ARPP19: variants seen among roughly 807,000 people sequenced by gnomAD.
ARPP19 encodes cAMP-regulated phosphoprotein 19.
In ARPP19, 8 loss-of-function variants were observed where a neutral mutation model predicts 12.0. The observed-to-expected ratio is 0.67, with a 90% CI of 0.39 to 1.21. The LOEUF (loss-of-function observed/expected upper bound fraction) is 1.21. Ranked by LOEUF, ARPP19 falls within the 50% of genes most tolerant of loss-of-function variation. The pLI, the probability that ARPP19 is intolerant of heterozygous loss-of-function variation, is 0.01. For missense variants in ARPP19, 102 were observed against 136.3 expected (o/e 0.75, Z 1.25); for synonymous variants, 47 against 50.4 (o/e 0.93, Z 0.29).
chr15:52,561,487 C>T (rs996857766), intron 1 of ARPP19, among the ~76,000 whole-genome samples: 1 of 151,868 alleles, frequency 6.6e-6, no homozygotes, highest in African/African-American at 2.4e-5. Flanking sequence ...TATAACAGTA[C>T]CATATTTTTA....
rs60316609 is a variant in ARPP19 at position 52,549,862 on chromosome 15, A to AAT, written c.*2070_*2071dup. ...TGAGTATATACTTGCTCTCATTACA[A>AAT]ATATATATATATAACTGATCTTTAC... On this transcript the variant is annotated 3_prime_UTR_variant, in exon 3 of 3. Transcript: ENST00000249822. The AAT allele has an allele frequency of 0.13, 19,443 of 152,250 alleles. 1,351 individuals carry two copies. The highest frequency in any genetic ancestry group is 0.17 in the Middle Eastern group (50 of 292). 9.4% of individuals were successfully genotyped at this position (152,250 alleles called of 1,614,324 possible). A position where few individuals can be genotyped will look rare whatever the true frequency, so the allele number is the denominator to read the frequency against.
chr15:52,556,853 CTGTTA>C (rs2077986180), intron 2 of ARPP19: 2 of 343,864 alleles, frequency 5.8e-6, no homozygotes, highest in African/African-American at 2.1e-5. Flanking sequence ...TATATGGGTT[CTGTTA>C]TATCTGCACT....
intron 1 of ARPP19, among the ~76,000 whole-genome samples, chr15:52,564,846 T>C (rs771372861): frequency 5.9e-5 from 9 of 152,206 alleles, no homozygotes; most frequent in Non-Finnish European, 1.3e-4. Flanking sequence ...TCTATTCTTC[T>C]CTGTGGTACT....
In ARPP19 at chr15:52,557,090, G is replaced by A; in HGVS notation, c.168+10C>T. On this transcript the variant is annotated intron_variant, in intron 2 of 2. Transcript: ENST00000249822. The stretch of plus-strand genomic sequence containing the variant: ...GCTTAAGTATTTGGAAATTACCCAT[G>A]AGAACTTACCCCTTTCTGCAACCGT... 2 of 1,611,102 alleles carry A rather than the reference G, an allele frequency of 1.2e-6. No individual in the cohort carries two copies. Among genetic ancestry groups the A allele is most frequent in the Non-Finnish European group, 1.7e-6 (2 of 1,179,634 alleles).
At position 52,547,327 on chromosome 15, in the gene ARPP19, T is replaced by C. The variant is rs369730896; in HGVS notation, c.*4607A>G. The C allele has an allele frequency of 7.3e-5, 11 of 149,944 alleles. No homozygotes were observed. The highest frequency in any genetic ancestry group is 1.7e-4 in the African/African-American group (7 of 41,000). The allele number at this position is 149,944 out of a possible 1,614,324, so 9.3% of individuals were successfully genotyped here. A position where few individuals can be genotyped will look rare whatever the true frequency, so the allele number is the denominator to read the frequency against. ...AATTCAGCATTAACTGCCAACTCTATAGACATGTTTTAACAAAAAGCAAAA... is the reference window on the plus strand; with the variant it reads ...AATTCAGCATTAACTGCCAACTCTACAGACATGTTTTAACAAAAAGCAAAA... On this transcript the variant is annotated 3_prime_UTR_variant, in exon 3 of 3. Coordinates refer to ENST00000249822, the MANE Select transcript of ARPP19 (RefSeq NM_006628.6).
rs903943028 is a variant in ARPP19 at position 52,551,751 on chromosome 15, T to C, written c.*183A>G. ...TGCTCTAACATGTCCTCTTCACCAG[T>C]GCACTGTTAAACTAATCAAAAACTC... On this transcript the variant is annotated 3_prime_UTR_variant, in exon 3 of 3. Transcript: ENST00000249822. 7.0e-6 allele frequency: 4 copies of C among 574,588 alleles called. No individual in the cohort carries two copies. The highest frequency in any genetic ancestry group is 3.8e-5 in the African/African-American group (2 of 53,322). The allele number at this position is 574,588 out of a possible 1,614,324, so 35.6% of individuals were successfully genotyped here.
chr15:52,548,484 C>CAA lies in ARPP19; in HGVS notation c.*3448_*3449dup, dbSNP rs34847422. The stretch of plus-strand genomic sequence containing the variant: ...CCTGGGCAAGAGTGAGACTCCATCT[C>CAA]AAAAAAAAAAAAGAATAAAATAAAA... On this transcript the variant is annotated 3_prime_UTR_variant, in exon 3 of 3. Transcript: ENST00000249822. 16 of 141,126 alleles carry CAA rather than the reference C, an allele frequency of 1.1e-4. No individual in the cohort carries two copies. Among genetic ancestry groups the CAA allele is most frequent in the East Asian group, 1.0e-3 (5 of 4,948 alleles). 8.7% of individuals were successfully genotyped at this position (141,126 alleles called of 1,614,324 possible).
chr15:52,555,677 A>T (rs1451255038), intron 2 of ARPP19, among the ~76,000 whole-genome samples: 1 of 152,058 alleles, frequency 6.6e-6, no homozygotes, highest in African/African-American at 2.4e-5. Flanking sequence ...ACATTTTTAT[A>T]AACCTTAATC....
intron 2 of ARPP19, chr15:52,556,884 A>T: frequency 2.3e-6 from 1 of 443,620 alleles, no homozygotes; most frequent in Non-Finnish European, 4.0e-6. Context: ...TACATGCTTT[A>T]AATAGTTTAT....
intron 2 of ARPP19, among the ~76,000 whole-genome samples, chr15:52,556,104 T>A (rs1291624898): frequency 6.6e-6 from 1 of 152,110 alleles, no homozygotes; most frequent in African/African-American, 2.4e-5. Context: ...GCTGTGAATA[T>A]TATTCTTTCA....
intron 1 of ARPP19, among the ~76,000 whole-genome samples, chr15:52,562,407 C>A (rs1452681964): frequency 6.6e-6 from 1 of 151,878 alleles, no homozygotes; most frequent in Non-Finnish European, 1.5e-5. Flanking sequence ...AAACATACTT[C>A]TAAATAATTC....
At chr15:52,556,400 C>G (rs2077982173) in intron 2 of ARPP19, among the ~76,000 whole-genome samples, 2 of 152,118 alleles carry the variant, frequency 1.3e-5, no homozygotes, top group African/African-American at 2.4e-5. Context: ...AGGGAACAAA[C>G]AGGCCAGCAT....
chr15:52,556,478 A>G (rs987368396), intron 2 of ARPP19, among the ~76,000 whole-genome samples: 1 of 152,180 alleles, frequency 6.6e-6, no homozygotes, highest in African/African-American at 2.4e-5. Context: ...TTTGAAAATA[A>G]TATCTTCAGT....
intron 1 of ARPP19, chr15:52,568,522 C>T (rs927369678): frequency 2.3e-5 from 7 of 305,226 alleles, no homozygotes; most frequent in Non-Finnish European, 4.2e-5. Flanking sequence ...AACTTCCTAA[C>T]CAAATTGAGG....
At chr15:52,555,115 T>A (rs975825831) in intron 2 of ARPP19, among the ~76,000 whole-genome samples, 1 of 152,094 alleles carries the variant, frequency 6.6e-6, no homozygotes. Flanking sequence ...TAATACAGAA[T>A]CATTAAAGAG....
chr15:52,554,120 T>C (rs1340368678), intron 2 of ARPP19, among the ~76,000 whole-genome samples: 3 of 152,284 alleles, frequency 2.0e-5, no homozygotes, highest in Non-Finnish European at 2.9e-5. Context: ...ATTTCTTATT[T>C]TGTCAGAAGC....
intron 1 of ARPP19, among the ~76,000 whole-genome samples, chr15:52,558,146 C>A (rs1326680145): frequency 2.0e-5 from 3 of 151,960 alleles, no homozygotes; most frequent in Non-Finnish European, 2.9e-5. Context: ...GCAAGTACTG[C>A]AGAAGAATTA....
upstream of ARPP19, chr15:52,569,051 T>A (rs548636028): frequency 8.3e-6 from 5 of 602,862 alleles, no homozygotes; most frequent in South Asian, 9.8e-5. Flanking sequence ...CGCGAAACGC[T>A]CCGCTGGCCA....
At position 52,553,511 on chromosome 15, in the gene ARPP19, G is replaced by A. The variant is rs188920082; in HGVS notation, c.169-1407C>T. 4.7e-3 allele frequency among the ~76,000 whole-genome samples: 714 copies of A among 152,294 alleles called. 8 individuals carry two copies. The highest frequency in any genetic ancestry group is 0.016 in the African/African-American group (674 of 41,558). On this transcript the variant is annotated intron_variant, in intron 2 of 2. Coordinates refer to ENST00000249822, the MANE Select transcript of ARPP19 (RefSeq NM_006628.6). ...CATCTTTACTGAGTGCCTGCTATAT[G>A]TGAGGCACTATGTGAGAGCTGGAGT...
Sources: gnomAD v4.1 joint callset for allele counts (sites outside exome capture counted in the v4.1 genomes callset) on GRCh38, gnomAD v4.1.1 for gene constraint, MANE v1.5 for transcripts, NCBI Gene and HGNC (gene_info 2026-07-23, HGNC 2026-07-21) for gene names.